ADGRL3: variants seen among roughly 807,000 people sequenced by gnomAD.
ADGRL3 encodes the protein calcium-independent alpha-latrotoxin receptor 3.
A neutral mutation model predicts 153.5 loss-of-function variants in ADGRL3; 62 were observed. The ratio of observed to expected loss-of-function variants is 0.40; its 90% CI spans 0.33 to 0.50. ADGRL3 has a LOEUF of 0.50. ADGRL3 is among the 20% of genes least tolerant of loss of function. The pLI, the probability that ADGRL3 is intolerant of heterozygous loss-of-function variation, is 0.47. For synonymous variants in ADGRL3, 710 were observed against 672.5 expected (o/e 1.06, Z -0.86); for missense variants, 1,641 against 1,859.4 (o/e 0.88, Z 2.16).
intron 1 of ADGRL3, among the ~76,000 whole-genome samples, chr4:61,370,982 T>C (rs2096513045): frequency 6.6e-6 from 1 of 151,180 alleles, no homozygotes; most frequent in African/African-American, 2.4e-5. Context: ...TACCATTATG[T>C]AATGGCCTTC....
chr4:61,436,995 T>G (rs1009957089), intron 2 of ADGRL3, among the ~76,000 whole-genome samples: 7 of 152,126 alleles, frequency 4.6e-5, no homozygotes, highest in African/African-American at 1.7e-4. Flanking sequence ...ATGAACATAA[T>G]AGCCCTTACC....
intron 3 of ADGRL3, among the ~76,000 whole-genome samples, chr4:61,497,618 C>G (rs1438755263): frequency 6.6e-6 from 1 of 151,052 alleles, no homozygotes; most frequent in Non-Finnish European, 1.5e-5. Flanking sequence ...TGGGTTCACG[C>G]CATTCTCCTG....
intron 1 of ADGRL3, among the ~76,000 whole-genome samples, chr4:61,234,621 A>G (rs1206508660): frequency 6.6e-6 from 1 of 152,170 alleles, no homozygotes; most frequent in African/African-American, 2.4e-5. Context: ...AAATCAGAAG[A>G]TATAGTCAGT....
At chr4:61,296,476 A>G (rs1490108676) in intron 1 of ADGRL3, among the ~76,000 whole-genome samples, 1 of 152,206 alleles carries the variant, frequency 6.6e-6, no homozygotes, top group Non-Finnish European at 1.5e-5. Context: ...TAAATTCAGT[A>G]GATATGTGAA....
At chr4:61,550,852 TTAGTC>T (rs1291261156) in intron 4 of ADGRL3, among the ~76,000 whole-genome samples, 1 of 152,050 alleles carries the variant, frequency 6.6e-6, no homozygotes, top group Non-Finnish European at 1.5e-5. Flanking sequence ...ATATAGGTCA[TTAGTC>T]TAGGGAGCTG....
chr4:61,940,091 C>T (rs1362478174), intron 15 of ADGRL3, among the ~76,000 whole-genome samples: 1 of 108,834 alleles, frequency 9.2e-6, no homozygotes, highest in Non-Finnish European at 1.9e-5. Flanking sequence ...TCCCCCGACC[C>T]CACCACAGTC....
At chr4:61,325,553 C>A (rs911880965) in intron 1 of ADGRL3, among the ~76,000 whole-genome samples, 9 of 152,066 alleles carry the variant, frequency 5.9e-5, no homozygotes, top group African/African-American at 2.2e-4. Flanking sequence ...TTCTCTTTTT[C>A]ATTTAGCAAA....
intron 8 of ADGRL3, among the ~76,000 whole-genome samples, chr4:61,762,532 G>A (rs2096925392): frequency 6.6e-6 from 1 of 152,130 alleles, no homozygotes; most frequent in Non-Finnish European, 1.5e-5. Context: ...ATGTCATTAA[G>A]TAGGCTTACT....
At chr4:61,344,953 ATT>A (rs765250878) in intron 1 of ADGRL3, among the ~76,000 whole-genome samples, 10 of 138,182 alleles carry the variant, frequency 7.2e-5, no homozygotes, top group East Asian at 2.1e-4. Flanking sequence ...TGCCTGGCTA[ATT>A]TTTTTTTTTT....
intron 17 of ADGRL3, among the ~76,000 whole-genome samples, chr4:61,978,510 T>C (rs1020128897): frequency 1.3e-5 from 2 of 152,166 alleles, no homozygotes; most frequent in African/African-American, 4.8e-5. Context: ...CAAAAAACCT[T>C]GAAGGAAAAG....
chr4:61,649,194 A>C (rs1247421699), intron 5 of ADGRL3, among the ~76,000 whole-genome samples: 1 of 152,106 alleles, frequency 6.6e-6, no homozygotes, highest in Non-Finnish European at 1.5e-5. Context: ...TCCTCTTAGT[A>C]GTTACATATG....
chr4:61,217,349 T>A (rs1743265012), intron 1 of ADGRL3, among the ~76,000 whole-genome samples: 2 of 152,124 alleles, frequency 1.3e-5, no homozygotes, highest in Admixed American at 1.3e-4. Context: ...GATAGGAAGG[T>A]TGACTAGGCA....
chr4:61,244,829 C>T (rs997435318), intron 1 of ADGRL3, among the ~76,000 whole-genome samples: 1 of 151,982 alleles, frequency 6.6e-6, no homozygotes, highest in Admixed American at 6.6e-5. Context: ...ACAACTTCAC[C>T]GATGGCTTCT....
At chr4:61,231,643 C>A (rs569500326) in intron 1 of ADGRL3, among the ~76,000 whole-genome samples, 60 of 152,224 alleles carry the variant, frequency 3.9e-4, no homozygotes, top group Admixed American at 2.0e-3. Flanking sequence ...TTAGCAACTG[C>A]ACTTCCCTTG....
At chr4:61,945,798 GCACGGTGCGCACACA>G (rs1338919958) in intron 15 of ADGRL3, among the ~76,000 whole-genome samples, 1 of 151,722 alleles carries the variant, frequency 6.6e-6, no homozygotes, top group East Asian at 2.0e-4. Flanking sequence ...TTCGGCTCGC[GCACGGTGCGCACACA>G]CACTGGCCTG....
chr4:61,983,774 G>A (rs1367874979), intron 19 of ADGRL3, among the ~76,000 whole-genome samples, 171 bp downstream of exon 19: 1 of 152,142 alleles, frequency 6.6e-6, no homozygotes, highest in Non-Finnish European at 1.5e-5. Flanking sequence ...AAAATACCTT[G>A]AGACTTATCA....
At chr4:61,965,488 G>C (rs767017839) in intron 17 of ADGRL3, among the ~76,000 whole-genome samples, 1 of 152,042 alleles carries the variant, frequency 6.6e-6, no homozygotes, top group Admixed American at 6.6e-5. Flanking sequence ...GGTGGCTCAC[G>C]CCTGTAATCC....
intron 1 of ADGRL3, among the ~76,000 whole-genome samples, chr4:61,252,519 T>G (rs952557543): frequency 6.6e-6 from 1 of 152,220 alleles, no homozygotes; most frequent in Non-Finnish European, 1.5e-5. Context: ...TTCTAGGGGC[T>G]GTAGTTGTAA....
intron 8 of ADGRL3, among the ~76,000 whole-genome samples, chr4:61,787,464 G>T: frequency 6.6e-6 from 1 of 151,546 alleles, no homozygotes; most frequent in African/African-American, 2.4e-5. Context: ...AAATATTATT[G>T]TATGTTCTTT....
Sources: gnomAD v4.1 joint callset for allele counts (sites outside exome capture counted in the v4.1 genomes callset) on GRCh38, gnomAD v4.1.1 for gene constraint, MANE v1.5 for transcripts, NCBI Gene and HGNC (gene_info 2026-07-23, HGNC 2026-07-21) for gene names.